The following BCL2L1 variants were observed in gnomAD, a reference collection of about 807,000 sequenced individuals.
BCL2L1 encodes the protein BCL2 like 1, also known as bcl-2-like protein 1.
Under a neutral mutation model 18.7 loss-of-function variants are expected in BCL2L1, and 1 was observed. The ratio of observed to expected loss-of-function variants is 0.05; its 90% CI spans 0.02 to 0.25. The LOEUF (loss-of-function observed/expected upper bound fraction) is 0.25, where lower values mean the gene tolerates loss of function less well. Among genes scored for constraint, BCL2L1 ranks in the 10% least tolerant of loss-of-function variants. The pLI is 1.00. For missense variants in BCL2L1, 207 were observed against 304.9 expected, an observed-to-expected ratio of 0.68 and a Z score of 2.39; for synonymous variants, 103 against 122.7, an observed-to-expected ratio of 0.84 and a Z score of 1.06.
At chr20:31,703,364 AGAC>A (rs1471760574) in intron 2 of BCL2L1, among the ~76,000 whole-genome samples, 2 of 151,934 alleles carry the variant, frequency 1.3e-5, no homozygotes. Context: ...TTTTTAGTAG[AGAC>A]GGGGTTGCAT....
chr20:31,723,589 CT>C (rs746694386), upstream of BCL2L1: 227 of 985,242 alleles, frequency 2.3e-4, no homozygotes, highest in Non-Finnish European at 2.6e-4. Flanking sequence ...GGGGCGCCCC[CT>C]AGACCTTCCT....
At chr20:31,681,228 T>A (rs1348647221) in intron 2 of BCL2L1, among the ~76,000 whole-genome samples, 1 of 152,208 alleles carries the variant, frequency 6.6e-6, no homozygotes, top group Non-Finnish European at 1.5e-5. Context: ...TTAAATAGCG[T>A]CCGTCTGGCT....
At chr20:31,698,952 C>A (rs2061235149) in intron 2 of BCL2L1, among the ~76,000 whole-genome samples, 1 of 152,124 alleles carries the variant, frequency 6.6e-6, no homozygotes, top group Non-Finnish European at 1.5e-5. Context: ...CTTGACCAGA[C>A]TCTAAAAGTC....
intron 2 of BCL2L1, among the ~76,000 whole-genome samples, chr20:31,684,639 C>T (rs2060925192): frequency 6.6e-6 from 1 of 151,652 alleles, no homozygotes; most frequent in African/African-American, 2.4e-5. Context: ...CCAGATCTAC[C>T]CTTCTCATCT....
intron 2 of BCL2L1, among the ~76,000 whole-genome samples, chr20:31,673,988 C>T: frequency 6.6e-6 from 1 of 152,136 alleles, no homozygotes; most frequent in East Asian, 1.9e-4. Context: ...TATCAATAGC[C>T]CCATTTTACA....
At position 31,664,815 on chromosome 20, in the gene BCL2L1, G is replaced by C. The variant is rs537018288; in HGVS notation, c.*1134C>G. ...ACCCCTGGGGATGAGACAGGCCAAG[G>C]GTGGAGCAGAAGAGAGAGGGAGGCC... On this transcript the variant is annotated 3_prime_UTR_variant, in exon 3 of 3. Transcript: ENST00000307677. The C allele has an allele frequency of 2.7e-5, 6 of 223,230 alleles. No homozygotes were observed. Among genetic ancestry groups the C allele is most frequent in the Non-Finnish European group, 5.4e-5 (6 of 111,436 alleles). 13.8% of individuals were successfully genotyped at this position (223,230 alleles called of 1,614,324 possible). A position where few individuals can be genotyped will look rare whatever the true frequency, so the allele number is the denominator to read the frequency against.
chr20:31,707,490 C>T (rs563357300), intron 2 of BCL2L1, among the ~76,000 whole-genome samples: 5 of 152,154 alleles, frequency 3.3e-5, no homozygotes, highest in African/African-American at 7.2e-5. Flanking sequence ...TCAAGAAAAG[C>T]GCTGTAGGCC....
intron 2 of BCL2L1, among the ~76,000 whole-genome samples, chr20:31,717,663 T>C (rs2061558611): frequency 6.6e-6 from 1 of 152,194 alleles, no homozygotes; most frequent in South Asian, 2.1e-4. Context: ...TGCCACTATC[T>C]GCAAAGGGAG....
At chr20:31,685,218 C>A (rs371544663) in intron 2 of BCL2L1, among the ~76,000 whole-genome samples, 3 of 152,030 alleles carry the variant, frequency 2.0e-5, no homozygotes, top group Admixed American at 2.0e-4. Flanking sequence ...CTGGCTAACA[C>A]GGTGAAACCC....
chr20:31,671,127 T>C (rs963154851), intron 2 of BCL2L1, among the ~76,000 whole-genome samples: 4 of 151,974 alleles, frequency 2.6e-5, no homozygotes, highest in Non-Finnish European at 4.4e-5. Context: ...TGGGGGTTTG[T>C]AGGGCCACTG....
chr20:31,685,974 C>T lies in BCL2L1; in HGVS notation c.565-19888G>A, dbSNP rs1196002097. 5.9e-5 allele frequency among the ~76,000 whole-genome samples: 9 copies of T among 152,160 alleles called. No individual in the cohort carries two copies. In the East Asian group the frequency reaches 1.7e-3, roughly 29 times the overall value. ...TATTATGCCTCCCTTACATTGTTCA[C>T]CCATTAGCATATCCTGGCCTCCCAA... On this transcript the variant is annotated intron_variant, in intron 2 of 2. Transcript: ENST00000307677.
chr20:31,699,763 A>T (rs963929019), intron 2 of BCL2L1, among the ~76,000 whole-genome samples: 1 of 152,210 alleles, frequency 6.6e-6, no homozygotes, highest in Non-Finnish European at 1.5e-5. Flanking sequence ...TAGTTTCTTT[A>T]CTGGAAAAGA....
chr20:31,688,777 C>T (rs982643240), intron 2 of BCL2L1, among the ~76,000 whole-genome samples: 1 of 152,098 alleles, frequency 6.6e-6, no homozygotes, highest in African/African-American at 2.4e-5. Context: ...ATGTGTCTAC[C>T]AATGGGAACT....
intron 2 of BCL2L1, among the ~76,000 whole-genome samples, chr20:31,689,011 T>G (rs931612915): frequency 2.0e-5 from 3 of 151,830 alleles, no homozygotes; most frequent in African/African-American, 7.3e-5. Flanking sequence ...CGGACCAGGA[T>G]CCATGATGAG....
At chr20:31,691,990 A>T (rs1471923996) in intron 2 of BCL2L1, among the ~76,000 whole-genome samples, 2 of 152,242 alleles carry the variant, frequency 1.3e-5, no homozygotes, top group African/African-American at 4.8e-5. Context: ...ATCTGCCATT[A>T]CCTTCTGATC....
chr20:31,702,568 C>A lies in BCL2L1; in HGVS notation c.564+19087G>T, dbSNP rs377268680. Among the ~76,000 whole-genome samples the A allele has an allele frequency of 7.9e-5, 12 of 151,960 alleles. No homozygotes were observed. The South Asian group carries it at 2.3e-3, about 29-fold the overall frequency. ...TGCTCTTGTTGCCCAGGGTGGAGTG[C>A]AATGGTGCGATCTTGGCTCAACACA... is the stretch of plus-strand genomic sequence containing the variant. On this transcript the variant is annotated intron_variant, in intron 2 of 2. Coordinates refer to ENST00000307677, the MANE Select transcript of BCL2L1 (RefSeq NM_138578.3).
chr20:31,686,582 A>C (rs1195449159), intron 2 of BCL2L1, among the ~76,000 whole-genome samples: 1 of 152,110 alleles, frequency 6.6e-6, no homozygotes, highest in African/African-American at 2.4e-5. Flanking sequence ...TTACAGCCCC[A>C]CTTCTCTGTT....
chr20:31,718,330 T>C (rs925228203), intron 2 of BCL2L1, among the ~76,000 whole-genome samples: 2 of 152,178 alleles, frequency 1.3e-5, no homozygotes, highest in East Asian at 1.9e-4. Flanking sequence ...CTGTCATCTA[T>C]TGGCAGGGCC....
At chr20:31,673,770 C>G (rs565561393) in intron 2 of BCL2L1, among the ~76,000 whole-genome samples, 68 of 152,356 alleles carry the variant, frequency 4.5e-4, no homozygotes, top group African/African-American at 1.6e-3. Flanking sequence ...TCTATGCACA[C>G]TAGGCCATAT....
Sources: gnomAD v4.1 joint callset for allele counts (sites outside exome capture counted in the v4.1 genomes callset) on GRCh38, gnomAD v4.1.1 for gene constraint, MANE v1.5 for transcripts, NCBI Gene and HGNC (gene_info 2026-07-23, HGNC 2026-07-21) for gene names.